Variants in RP1 observed in about 807,000 individuals in gnomAD.
The protein encoded by RP1 is RP1 axonemal microtubule associated.
Under a neutral mutation model 14.8 loss-of-function variants are expected in RP1, and 16 were observed. The observed-to-expected ratio is 1.08, with a 90% confidence interval of 0.73 to 1.65. RP1 has a LOEUF of 1.65. RP1 is among the 40% of genes most tolerant of loss of function. The pLI, the probability that RP1 is intolerant of heterozygous loss-of-function variation, is 0.00. For synonymous variants in RP1, 876 were observed against 883.6 expected (o/e 0.99, Z 0.15); for missense variants, 2,631 against 2,535.0 (o/e 1.04, Z -0.81).
intron 1 of RP1, among the ~76,000 whole-genome samples, chr8:54,599,691 G>A (rs934013883): frequency 1.8e-4 from 28 of 152,144 alleles, no homozygotes; most frequent in African/African-American, 5.6e-4. Context: ...CTGACCTCAA[G>A]TGATCCACTT....
At chr8:54,636,771 A>G (rs1319657232) in intron 3 of RP1, among the ~76,000 whole-genome samples, 2 of 152,130 alleles carry the variant, frequency 1.3e-5, no homozygotes, top group Non-Finnish European at 2.9e-5. Context: ...ACTTGCATAC[A>G]TATGTATCCC....
At position 54,627,948 on chromosome 8, in the gene RP1, T is replaced by A; in HGVS notation, c.4066T>A (p.Leu1356Met). 6.2e-7 allele frequency: 1 copy of A among 1,614,070 alleles called. No homozygotes were observed. The highest frequency in any genetic ancestry group is 1.1e-5 in the South Asian group (1 of 91,072). The change falls in exon 4 of 4, where the codon TTG becomes ATG. Residue 1356 changes from leucine (L) to methionine (M), a missense_variant. Transcript: ENST00000220676. ...NSKENTYTDN[L>M]DSTEELERGD... ...CAAAGAAAACACATATACTGATAAC[T>A]TGGATTCAACTGAAGAGTTAGAAAG...
intron 6 of RP1, among the ~76,000 whole-genome samples, chr8:54,659,227 A>C (rs145175018): frequency 3.3e-5 from 5 of 152,146 alleles, no homozygotes; most frequent in Non-Finnish European, 7.4e-5. Context: ...TTTAAGTTTG[A>C]TGTAGCCCCA....
chr8:54,846,457 T>C (rs920522731), intron 25 of RP1, among the ~76,000 whole-genome samples: 1 of 152,226 alleles, frequency 6.6e-6, no homozygotes, highest in African/African-American at 2.4e-5. Context: ...TTCCCTATCT[T>C]GATTGTGGTA....
intron 13 of RP1, among the ~76,000 whole-genome samples, chr8:54,700,398 A>G (rs530238634): frequency 3.9e-5 from 6 of 151,962 alleles, no homozygotes; most frequent in Non-Finnish European, 7.4e-5. Flanking sequence ...GGAAAATAAT[A>G]CTTATTGAAA....
At position 54,629,698 on chromosome 8, in the gene RP1, A is replaced by C. The variant is rs1304783047; in HGVS notation, c.5816A>C (p.Lys1939Thr). 1 of 1,613,442 alleles carries C rather than the reference A, an allele frequency of 6.2e-7. No homozygotes were observed. The highest frequency in any genetic ancestry group is 1.3e-5 in the African/African-American group (1 of 74,910). ...GAAGACCGAGGATTTGCATATCGCAAAGAATCTGATATTGAAAATTTCTTG... is the reference window on the plus strand; with the variant it reads ...GAAGACCGAGGATTTGCATATCGCACAGAATCTGATATTGAAAATTTCTTG... ...NEEDRGFAYR[K>T]ESDIENFLGF... Residue 1939 changes from lysine (K) to threonine (T), a missense_variant, in exon 4 of 4, where the codon AAA becomes ACA. Physicochemically the swap from Lys to Thr is moderately conservative, Grantham distance 78. Transcript: ENST00000220676.
chr8:54,568,421 T>C (rs1009108987), intron 1 of RP1, among the ~76,000 whole-genome samples: 1 of 152,232 alleles, frequency 6.6e-6, no homozygotes, highest in Admixed American at 6.5e-5. Context: ...GGTGGTAGTG[T>C]TCCTGAGTTA....
chr8:54,782,255 G>T (rs942235051), intron 23 of RP1, among the ~76,000 whole-genome samples: 3 of 152,158 alleles, frequency 2.0e-5, no homozygotes, highest in African/African-American at 7.2e-5. Context: ...GAGTTCTGCT[G>T]CCCCTTTGGC....
chr8:54,784,895 A>C (rs1810279985), intron 24 of RP1, among the ~76,000 whole-genome samples: 2 of 152,018 alleles, frequency 1.3e-5, no homozygotes, highest in South Asian at 4.2e-4. Context: ...TTCATATCAT[A>C]ACATTCATTC....
In RP1 at chr8:54,651,774, G is replaced by A. The variant is rs75097456; in HGVS notation, c.952-1006G>A. ...TCTATCTCTTTCTTCTACTAGCTTA[G>A]GATTTAGTTTGCCTTTCTTTTTCTA... On this transcript the variant is annotated intron_variant, in intron 4 of 22. Coordinates refer to the RP1 transcript ENST00000636932. 7.6e-3 allele frequency among the ~76,000 whole-genome samples: 1,161 copies of A among 151,970 alleles called. 20 individuals are homozygous for A. The highest frequency in any genetic ancestry group is 0.027 in the African/African-American group (1,101 of 41,460).
intron 24 of RP1, among the ~76,000 whole-genome samples, chr8:54,797,748 A>G (rs539410196): frequency 1.3e-5 from 2 of 152,130 alleles, no homozygotes; most frequent in East Asian, 1.9e-4. Context: ...ATAAAATATC[A>G]TATTTATTAT....
At chr8:54,695,952 T>C (rs1807849481) in intron 12 of RP1, among the ~76,000 whole-genome samples, 1 of 152,164 alleles carries the variant, frequency 6.6e-6, no homozygotes, top group African/African-American at 2.4e-5. Context: ...AAGATTTCCA[T>C]TTGGAGTGGT....
In RP1 at chr8:54,628,912, G is replaced by A. The variant is rs773304061; in HGVS notation, c.5030G>A (p.Gly1677Glu). 1 of 1,614,026 alleles carries A rather than the reference G, an allele frequency of 6.2e-7. No individual in the cohort carries two copies. The highest frequency in any genetic ancestry group is 1.7e-5 in the Admixed American group (1 of 60,014). ...SRKASLYDSEGQSFGSSEQVS... is the reference protein window; with the variant it reads ...SRKASLYDSEEQSFGSSEQVS... ...AAAGCAAGTCTTTATGATTCTGAAG[G>A]GCAGTCATTTGGCTCTTCTGAACAG... The change falls in exon 4 of 4, where the codon GGG becomes GAG. Residue 1677 changes from glycine to glutamate, a missense_variant. Transcript: ENST00000220676.
intron 19 of RP1, among the ~76,000 whole-genome samples, chr8:54,741,709 A>ATATG (rs1554528865): frequency 2.1e-3 from 147 of 68,864 alleles, no homozygotes; most frequent in Admixed American, 0.018. Flanking sequence ...ATGTGTGTGT[A>ATATG]TATATATATA....
intron 24 of RP1, among the ~76,000 whole-genome samples, chr8:54,825,656 T>G (rs565941134): frequency 6.6e-6 from 1 of 152,354 alleles, no homozygotes; most frequent in South Asian, 2.1e-4. Flanking sequence ...ATATCTTTCA[T>G]GATTTTCTGT....
intron 26 of RP1, among the ~76,000 whole-genome samples, chr8:54,855,620 T>C (rs551244172): frequency 2.6e-5 from 4 of 152,290 alleles, no homozygotes; most frequent in African/African-American, 9.6e-5. Flanking sequence ...TTGCAGACTG[T>C]GTATAGAAAA....
At chr8:54,726,614 T>C (rs1042963208) in intron 17 of RP1, 2 of 803,200 alleles carry the variant, frequency 2.5e-6, no homozygotes, top group African/African-American at 1.8e-5. Context: ...TAAGCTGTTA[T>C]CTTGCTTTTT....
chr8:54,575,155 G>A (rs934928462), intron 1 of RP1, among the ~76,000 whole-genome samples: 1 of 152,132 alleles, frequency 6.6e-6, no homozygotes, highest in Non-Finnish European at 1.5e-5. Flanking sequence ...GAAGCAGAGG[G>A]TGGATACTGT....
At chr8:54,865,235 G>C (rs902350674) in intron 27 of RP1, among the ~76,000 whole-genome samples, 7 of 151,846 alleles carry the variant, frequency 4.6e-5, no homozygotes, top group Non-Finnish European at 1.0e-4. Flanking sequence ...TCTATATTCT[G>C]TGATTTCTTT....
Sources: allele counts gnomAD v4.1 joint callset (sites outside exome capture counted in the v4.1 genomes callset), GRCh38; gene constraint gnomAD v4.1.1; transcripts MANE v1.5; gene names NCBI Gene and HGNC (gene_info 2026-07-23, HGNC 2026-07-21).